DMD: variants seen among roughly 807,000 people sequenced by gnomAD.
DMD encodes dystrophin.
A neutral mutation model predicts 330.1 loss-of-function variants in DMD; 63 were observed. The observed-to-expected ratio is 0.19, with a 90% CI of 0.16 to 0.24. DMD has a LOEUF of 0.24. DMD is among the 10% of genes least tolerant of loss of function. DMD has a pLI of 1.00. For missense variants in DMD, 3,344 were observed against 2,684.1 expected, an observed-to-expected ratio of 1.25 and a Z score of -5.43; for synonymous variants, 1,223 against 959.8, an observed-to-expected ratio of 1.27 and a Z score of -5.07.
At position 32,246,950 on chromosome X, in the gene DMD, A is replaced by C. The variant is rs1016311836; in HGVS notation, c.6291-29887T>G. 2.7e-5 allele frequency among the ~76,000 whole-genome samples: 3 copies of C among 111,149 alleles called. 1 individual carries two copies. The Middle Eastern group carries it at 0.014, about 508-fold the overall frequency. On this transcript the variant is annotated intron_variant, in intron 43 of 78. Transcript: ENST00000357033. ...CAGAGTCAAATGTGAAGCTAAATGC[A>C]CACACACCCACACACCCTACAGATA...
chrX:32,718,120 G>A (rs147356954), intron 7 of DMD, among the ~76,000 whole-genome samples: 107 of 111,107 alleles, frequency 9.6e-4, no homozygotes, highest in African/African-American at 3.4e-3. Context: ...AAGCATGATT[G>A]TATTTTGAAA....
intron 55 of DMD, among the ~76,000 whole-genome samples, chrX:31,557,093 G>T (rs2147808817): frequency 8.9e-6 from 1 of 112,249 alleles, no homozygotes; most frequent in African/African-American, 3.2e-5. Flanking sequence ...CAAATAAAAA[G>T]CTAAAGAGGT....
chrX:33,004,766 GA>G (rs1279871174), intron 2 of DMD, among the ~76,000 whole-genome samples: 3 of 109,943 alleles, frequency 2.7e-5, no homozygotes, highest in Non-Finnish European at 5.7e-5. Context: ...CAGGAACAAG[GA>G]GCATCTTTCT....
chrX:32,818,548 G>A lies in DMD; in HGVS notation c.358-1908C>T, dbSNP rs780981744. Among the ~76,000 whole-genome samples, 243 of 111,900 alleles carry A rather than the reference G, an allele frequency of 2.2e-3. 1 individual carries two copies. Among genetic ancestry groups the A allele is most frequent in the African/African-American group, 7.5e-3 (232 of 30,810 alleles). On this transcript the variant is annotated intron_variant, in intron 5 of 78. Coordinates refer to ENST00000357033, the MANE Select transcript of DMD (RefSeq NM_004006.3). Reference sequence around the variant, plus strand: ...TAAAGGAGGCTCAATTTAAACAGATGTATTTGTGTGTGTGCGCGCATACAA... The same window carrying A: ...TAAAGGAGGCTCAATTTAAACAGATATATTTGTGTGTGTGCGCGCATACAA...
At chrX:33,267,298 A>C (rs1295387541) in intron 1 of DMD, among the ~76,000 whole-genome samples, 1 of 111,389 alleles carries the variant, frequency 9.0e-6, no homozygotes, top group Non-Finnish European at 1.9e-5. Context: ...CTAGGAATAC[A>C]CCTAACCAAG....
chrX:32,568,262 C>A (rs746466785), intron 15 of DMD, among the ~76,000 whole-genome samples: 1 of 111,949 alleles, frequency 8.9e-6, no homozygotes, highest in African/African-American at 3.2e-5. Context: ...ATAATCTCAG[C>A]ACTTTGGGAG....
At chrX:32,964,255 C>CAAAAAGAAAAAAAAAAAA (rs2092032265) in intron 2 of DMD, among the ~76,000 whole-genome samples, 1 of 35,190 alleles carries the variant, frequency 2.8e-5, no homozygotes, top group African/African-American at 1.1e-4. Flanking sequence ...GACTCCATCT[C>CAAAAAGAAAAAAAAAAAA]AAAAAAAAAA....
chrX:31,241,875 T>C (rs1301073607), intron 63 of DMD, among the ~76,000 whole-genome samples: 1 of 111,785 alleles, frequency 8.9e-6, no homozygotes, highest in Admixed American at 9.6e-5. Flanking sequence ...GTTTTTCCCA[T>C]TGCCAATCAA....
chrX:32,981,103 C>G (rs2092696975), intron 2 of DMD, among the ~76,000 whole-genome samples: 1 of 111,679 alleles, frequency 9.0e-6, no homozygotes, highest in Non-Finnish European at 1.9e-5. Context: ...TATTATTACC[C>G]TAGCGTAGTT....
intron 7 of DMD, among the ~76,000 whole-genome samples, chrX:32,726,228 T>C (rs1488965597): frequency 9.0e-6 from 1 of 111,510 alleles, no homozygotes. Flanking sequence ...CTTTTGATCA[T>C]ATTATTAGTT....
chrX:32,759,658 TTTC>T (rs1273167640), intron 7 of DMD, among the ~76,000 whole-genome samples: 1 of 111,932 alleles, frequency 8.9e-6, no homozygotes, highest in African/African-American at 3.2e-5. Context: ...CTTTAGCAAT[TTTC>T]TTATTATTTT....
intron 44 of DMD, among the ~76,000 whole-genome samples, chrX:32,197,178 A>C (rs1028313618): frequency 9.1e-6 from 1 of 109,529 alleles, no homozygotes; most frequent in African/African-American, 3.3e-5. Context: ...TTTTTATTTT[A>C]ATTTTTGTGG....
chrX:33,145,739 G>A (rs972454548), intron 1 of DMD, among the ~76,000 whole-genome samples: 10 of 108,669 alleles, frequency 9.2e-5, no homozygotes, highest in South Asian at 3.9e-4. Context: ...GAAATATACC[G>A]GTCTCTCATC....
intron 17 of DMD, among the ~76,000 whole-genome samples, chrX:32,518,886 G>A (rs1385991453): frequency 5.5e-5 from 6 of 109,315 alleles, no homozygotes; most frequent in South Asian, 8.0e-4. Context: ...CACTGCCTAC[G>A]TTGAAGAATT....
At position 32,697,869 on chromosome X, in the gene DMD, C is replaced by T. The variant is rs199783662; in HGVS notation, c.960+1G>A. The stretch of plus-strand genomic sequence containing the variant: ...ACAACAGAGAGTAAATGTTGACAGA[C>T]CTGTGAAGGAAATGGGCTCCGTGTA... On this transcript the variant is annotated splice_donor_variant, in intron 9 of 78. Transcript: ENST00000357033. LOFTEE classifies it high-confidence loss of function. 1 of 1,208,429 alleles carries T rather than the reference C, an allele frequency of 8.3e-7. No individual in the cohort carries two copies. The highest frequency in any genetic ancestry group is 1.1e-6 in the Non-Finnish European group (1 of 894,608).
At chrX:31,814,267 G>A (rs2092548285) in intron 50 of DMD, among the ~76,000 whole-genome samples, 1 of 108,145 alleles carries the variant, frequency 9.2e-6, no homozygotes, top group South Asian at 4.0e-4. Flanking sequence ...GGATCACGAG[G>A]TCAGGAGATC....
intron 12 of DMD, among the ~76,000 whole-genome samples, chrX:32,608,596 C>T (rs1454964516): frequency 2.7e-5 from 3 of 110,210 alleles, no homozygotes; most frequent in African/African-American, 9.8e-5. Context: ...TTGCTGTATG[C>T]CCAACGTTTT....
At chrX:31,366,482 A>AT (rs2059243548) in intron 60 of DMD, among the ~76,000 whole-genome samples, 4 of 100,245 alleles carry the variant, frequency 4.0e-5, no homozygotes, top group Admixed American at 1.1e-4. Flanking sequence ...AAAAAAAAAA[A>AT]AAAAAAAAAA....
At chrX:31,598,449 T>G (rs2077207329) in intron 55 of DMD, among the ~76,000 whole-genome samples, 1 of 111,547 alleles carries the variant, frequency 9.0e-6, no homozygotes, top group Non-Finnish European at 1.9e-5. Context: ...AATGTTAAAC[T>G]TTTACAGTAG....
Sources: allele counts gnomAD v4.1 joint callset (sites outside exome capture counted in the v4.1 genomes callset), GRCh38; gene constraint gnomAD v4.1.1; transcripts MANE v1.5; gene names NCBI Gene and HGNC (gene_info 2026-07-23, HGNC 2026-07-21).